Variants in SIPA1L2 observed in about 807,000 individuals in gnomAD.
SIPA1L2 encodes the protein signal induced proliferation associated 1 like 2.
A neutral mutation model predicts 163.9 loss-of-function variants in SIPA1L2; 56 were observed. The ratio of observed to expected loss-of-function variants is 0.34; its 90% CI spans 0.28 to 0.43. The LOEUF is 0.43. Among genes scored for constraint, SIPA1L2 ranks in the 20% least tolerant of loss-of-function variants. The pLI is 1.00. For synonymous variants in SIPA1L2, 877 were observed against 865.7 expected (o/e 1.01, Z -0.23); for missense variants, 1,974 against 2,193.5 (o/e 0.90, Z 2.00).
At chr1:232,401,415 G>A (rs573355805) in intron 22 of SIPA1L2, among the ~76,000 whole-genome samples, 123 of 152,216 alleles carry the variant, frequency 8.1e-4, no homozygotes, top group Non-Finnish European at 1.5e-3. Context: ...TCCTAAACCC[G>A]GTTGGTTTAC....
chr1:232,496,560 CAAA>C (rs71162247), intron 3 of SIPA1L2, among the ~76,000 whole-genome samples: 5 of 105,326 alleles, frequency 4.7e-5, no homozygotes, highest in African/African-American at 7.1e-5. Flanking sequence ...CAGAAGCAGG[CAAA>C]AAAAAAAAAA....
chr1:232,591,984 G>A (rs1053237084), intron 1 of SIPA1L2, among the ~76,000 whole-genome samples: 19 of 152,228 alleles, frequency 1.2e-4, no homozygotes, highest in South Asian at 6.2e-4. Context: ...ACTTCTATGG[G>A]TGCTTCTAGT....
chr1:232,504,469 T>C (rs961145557), intron 3 of SIPA1L2, among the ~76,000 whole-genome samples: 1 of 149,178 alleles, frequency 6.7e-6, no homozygotes, highest in Non-Finnish European at 1.5e-5. Flanking sequence ...ACCTGGGAGG[T>C]TGAGGTTGCA....
chr1:232,554,586 G>A (rs1386742044), intron 2 of SIPA1L2, among the ~76,000 whole-genome samples: 2 of 152,174 alleles, frequency 1.3e-5, no homozygotes, highest in South Asian at 2.1e-4. Context: ...CTGGTGTCAC[G>A]AAGAATGAAA....
At chr1:232,531,464 G>T (rs539020699) in intron 2 of SIPA1L2, among the ~76,000 whole-genome samples, 1 of 152,236 alleles carries the variant, frequency 6.6e-6, no homozygotes, top group South Asian at 2.1e-4. Flanking sequence ...TAAACCCTCA[G>T]AATCTGTTTC....
chr1:232,621,754 C>G (rs1662823289), intron 1 of SIPA1L2, among the ~76,000 whole-genome samples: 1 of 150,266 alleles, frequency 6.7e-6, no homozygotes, highest in Admixed American at 6.6e-5. Flanking sequence ...TTTTTTGTGA[C>G]AGGGTCTCAC....
chr1:232,519,536 G>A (rs1379553352), intron 2 of SIPA1L2, among the ~76,000 whole-genome samples: 6 of 152,296 alleles, frequency 3.9e-5, no homozygotes, highest in South Asian at 2.1e-4. Context: ...TATGAAGCGA[G>A]GGCCCACACA....
intron 8 of SIPA1L2, among the ~76,000 whole-genome samples, chr1:232,469,071 T>C (rs1664670309): frequency 6.6e-6 from 1 of 152,162 alleles, no homozygotes; most frequent in Non-Finnish European, 1.5e-5. Context: ...CTCAGGCAGG[T>C]ACACCTGACA....
chr1:232,425,447 A>C (rs1661832228), intron 18 of SIPA1L2, 142 bp downstream of exon 18: 1 of 614,088 alleles, frequency 1.6e-6, no homozygotes, highest in Non-Finnish European at 2.5e-6. Flanking sequence ...TTTGAAAATT[A>C]TTTAAAACAC....
At chr1:232,559,586 C>T (rs959309527) in intron 2 of SIPA1L2, among the ~76,000 whole-genome samples, 2 of 152,000 alleles carry the variant, frequency 1.3e-5, no homozygotes, top group Admixed American at 1.3e-4. Context: ...TGCAGTATAT[C>T]AACAGAATAT....
chr1:232,529,595 T>C (rs949702184), intron 2 of SIPA1L2, among the ~76,000 whole-genome samples: 6 of 152,194 alleles, frequency 3.9e-5, no homozygotes, highest in Non-Finnish European at 7.3e-5. Context: ...CCTGCTGTTG[T>C]TCTTGGCTCA....
At chr1:232,423,166 A>G (rs1661675302) in intron 18 of SIPA1L2, among the ~76,000 whole-genome samples, 1 of 152,206 alleles carries the variant, frequency 6.6e-6, no homozygotes, top group Non-Finnish European at 1.5e-5. Context: ...ATTTTGCCCA[A>G]TTAGAGGCTA....
chr1:232,617,867 T>A (rs968098047), intron 1 of SIPA1L2, among the ~76,000 whole-genome samples: 12 of 152,268 alleles, frequency 7.9e-5, no homozygotes, highest in Non-Finnish European at 1.3e-4. Context: ...TAAAACTTTT[T>A]AACTCGTTTA....
At chr1:232,420,573 T>G (rs541445700) in intron 18 of SIPA1L2, among the ~76,000 whole-genome samples, 2 of 152,028 alleles carry the variant, frequency 1.3e-5, no homozygotes, top group African/African-American at 4.8e-5. Context: ...TGGTGGCTCA[T>G]GCCTGTAATC....
chr1:232,504,872 A>G (rs1666656084), intron 3 of SIPA1L2, among the ~76,000 whole-genome samples: 4 of 152,220 alleles, frequency 2.6e-5, no homozygotes, highest in Admixed American at 2.6e-4. Context: ...ATCTGGTGGG[A>G]CAGTGAGGAT....
intron 2 of SIPA1L2, among the ~76,000 whole-genome samples, chr1:232,572,758 TA>T (rs1334013097): frequency 0.011 from 769 of 69,614 alleles, 27 homozygotes; most frequent in Admixed American, 0.051. Flanking sequence ...TATATATATA[TA>T]TATATATATA....
intron 9 of SIPA1L2, among the ~76,000 whole-genome samples, chr1:232,464,199 A>C (rs1292949968): frequency 6.6e-6 from 1 of 152,196 alleles, no homozygotes; most frequent in African/African-American, 2.4e-5. Flanking sequence ...CTAAAATCTG[A>C]TTCTTACTTT....
At chr1:232,497,041 T>A (rs913845532) in intron 3 of SIPA1L2, among the ~76,000 whole-genome samples, 1 of 152,126 alleles carries the variant, frequency 6.6e-6, no homozygotes, top group Non-Finnish European at 1.5e-5. Flanking sequence ...AGCCCCAGAT[T>A]AAGAAAATCA....
At chr1:232,444,931 A>T (rs1663122880) in intron 11 of SIPA1L2, among the ~76,000 whole-genome samples, 1 of 152,182 alleles carries the variant, frequency 6.6e-6, no homozygotes, top group African/African-American at 2.4e-5. Flanking sequence ...AACAATAAGA[A>T]ATTTATTATT....
Sources: allele counts gnomAD v4.1 joint callset (sites outside exome capture counted in the v4.1 genomes callset), GRCh38; gene constraint gnomAD v4.1.1; transcripts MANE v1.5; gene names NCBI Gene and HGNC (gene_info 2026-07-23, HGNC 2026-07-21).